ADAMTSL1: variants seen among roughly 807,000 people sequenced by gnomAD.
The protein encoded by ADAMTSL1 is ADAMTS like 1.
ADAMTSL1 carries 126 observed loss-of-function variants against 201.8 expected under a neutral mutation model. The ratio of observed to expected loss-of-function variants is 0.62; its 90% CI spans 0.54 to 0.72. ADAMTSL1 has a LOEUF of 0.72. ADAMTSL1 is among the 30% of genes least tolerant of loss of function. The pLI is 0.00. For synonymous variants in ADAMTSL1, 1,121 were observed against 903.4 expected (o/e 1.24, Z -4.32); for missense variants, 2,679 against 2,277.8 (o/e 1.18, Z -3.59).
intron 1 of ADAMTSL1, among the ~76,000 whole-genome samples, chr9:18,130,457 G>T (rs1194973936): frequency 6.6e-6 from 1 of 152,036 alleles, no homozygotes; most frequent in Non-Finnish European, 1.5e-5. Context: ...ATGAAAATTT[G>T]ACCAATTATT....
upstream of ADAMTSL1, among the ~76,000 whole-genome samples, chr9:18,469,134 G>A (rs1821112498): frequency 1.3e-5 from 2 of 152,176 alleles, no homozygotes; most frequent in African/African-American, 4.8e-5. Context: ...AAAAGTCTGT[G>A]TATATCTCAA....
At chr9:18,418,284 G>T (rs576603500) in intron 2 of ADAMTSL1, among the ~76,000 whole-genome samples, 50 of 152,186 alleles carry the variant, frequency 3.3e-4, no homozygotes, top group Non-Finnish European at 6.0e-4. Flanking sequence ...AAGACTGAAC[G>T]TTTCCCCCCC....
chr9:17,945,981 AAAG>A (rs1827452432), intron 1 of ADAMTSL1, among the ~76,000 whole-genome samples: 1 of 152,032 alleles, frequency 6.6e-6, no homozygotes, highest in Non-Finnish European at 1.5e-5. Context: ...ATAATAAAAA[AAAG>A]AAAATCTTCC....
intron 1 of ADAMTSL1, among the ~76,000 whole-genome samples, chr9:17,982,083 A>T (rs1057303882): frequency 8.5e-5 from 13 of 152,188 alleles, no homozygotes; most frequent in South Asian, 2.1e-4. Context: ...AACATTTTCC[A>T]TATGGATAGT....
intron 4 of ADAMTSL1, among the ~76,000 whole-genome samples, chr9:18,613,286 T>C (rs753273554): frequency 2.4e-4 from 37 of 152,158 alleles, no homozygotes; most frequent in Non-Finnish European, 4.7e-4. Flanking sequence ...AGTTCAAGCA[T>C]TGTGGAAGAC....
In ADAMTSL1 at chr9:18,777,402, C is replaced by T. The variant is rs1821107971; in HGVS notation, c.3173C>T (p.Pro1058Leu). 3.1e-6 allele frequency: 5 copies of T among 1,602,488 alleles called. No homozygotes were observed. Among genetic ancestry groups the T allele is most frequent in the Non-Finnish European group, 4.3e-6 (5 of 1,175,152 alleles). Residue 1058 changes from proline (P) to leucine (L), a missense_variant, in exon 19 of 29, where the codon CCG becomes CTG. Coordinates refer to ENST00000380548, the MANE Select transcript of ADAMTSL1 (RefSeq NM_001040272.6). ...AERNTTSEED[P>L]GAEQVLLHLP... ...AGGAACACGACCTCGGAGGAGGACC[C>T]GGGTGCAGAGCAAGTGCTCCTGCAC...
rs1402764178 is a variant in ADAMTSL1 at position 18,906,908 on chromosome 9, A to G, written c.5178A>G (p.Glu1726=). The G allele has an allele frequency of 6.2e-7, 1 of 1,613,936 alleles. No homozygotes were observed. The highest frequency in any genetic ancestry group is 8.5e-7 in the Non-Finnish European group (1 of 1,179,842). ...NWQRCNITPC[E]NMECRDTTRY... is the part of the protein sequence containing the mutation. ...AGCGCTGCAACATCACCCCATGTGA[A>G]AACAGTATGTTCCAACCCCAAAGAA... The change falls in exon 28 of 29, where the codon GAA becomes GAG. Residue 1726 remains glutamate (E), a synonymous_variant. Coordinates refer to ENST00000380548, the MANE Select transcript of ADAMTSL1 (RefSeq NM_001040272.6).
chr9:18,794,137 C>T (rs1041207615), intron 19 of ADAMTSL1, among the ~76,000 whole-genome samples: 5 of 152,044 alleles, frequency 3.3e-5, no homozygotes, highest in African/African-American at 1.2e-4. Context: ...TACAGAGAGT[C>T]CCCTGTAGTA....
chr9:18,279,287 A>G (rs1364220115), intron 2 of ADAMTSL1, among the ~76,000 whole-genome samples: 2 of 152,056 alleles, frequency 1.3e-5, no homozygotes, highest in Admixed American at 6.5e-5. Context: ...TCCTGTGAAT[A>G]CTACATGTTT....
intron 2 of ADAMTSL1, among the ~76,000 whole-genome samples, chr9:18,187,857 A>G (rs1828805978): frequency 6.6e-6 from 1 of 152,296 alleles, no homozygotes; most frequent in Admixed American, 6.5e-5. Context: ...AGAAGGAAAT[A>G]AAAATATGTC....
chr9:18,259,141 C>T (rs1358074752), intron 2 of ADAMTSL1, among the ~76,000 whole-genome samples: 1 of 152,168 alleles, frequency 6.6e-6, no homozygotes, highest in Non-Finnish European at 1.5e-5. Flanking sequence ...ATTTCCTAGG[C>T]AATTTCTTAT....
intron 2 of ADAMTSL1, among the ~76,000 whole-genome samples, chr9:18,258,819 T>TA (rs2132524329): frequency 6.6e-6 from 1 of 152,294 alleles, no homozygotes; most frequent in South Asian, 2.1e-4. Flanking sequence ...CATCTTCACT[T>TA]ACTGTCTACA....
At chr9:18,181,313 G>T (rs1828464104) in intron 2 of ADAMTSL1, among the ~76,000 whole-genome samples, 1 of 152,132 alleles carries the variant, frequency 6.6e-6, no homozygotes, top group African/African-American at 2.4e-5. Flanking sequence ...AAGAGCTTCT[G>T]CACAGCAAAA....
At chr9:18,640,797 T>A (rs573316019) in intron 7 of ADAMTSL1, among the ~76,000 whole-genome samples, 1 of 152,186 alleles carries the variant, frequency 6.6e-6, no homozygotes, top group South Asian at 2.1e-4. Flanking sequence ...TCCTCCATCC[T>A]TGCTGCCACT....
intron 2 of ADAMTSL1, among the ~76,000 whole-genome samples, chr9:18,195,756 G>A (rs1829149761): frequency 6.6e-6 from 1 of 152,082 alleles, no homozygotes; most frequent in African/African-American, 2.4e-5. Flanking sequence ...TAAGACATTA[G>A]TGTCACACTT....
intron 16 of ADAMTSL1, among the ~76,000 whole-genome samples, chr9:18,761,347 C>T (rs1310880291): frequency 6.6e-6 from 1 of 152,056 alleles, no homozygotes; most frequent in Non-Finnish European, 1.5e-5. Flanking sequence ...ACACTTGGGC[C>T]ATTGTATTTT....
chr9:17,925,819 A>C (rs1285603545), intron 1 of ADAMTSL1, among the ~76,000 whole-genome samples: 1 of 146,298 alleles, frequency 6.8e-6, no homozygotes, highest in Non-Finnish European at 1.5e-5. Flanking sequence ...ACTAACCTGC[A>C]CAATGTGCAC....
At chr9:18,450,108 A>T (rs1359523456) in intron 2 of ADAMTSL1, among the ~76,000 whole-genome samples, 1 of 152,188 alleles carries the variant, frequency 6.6e-6, no homozygotes, top group Non-Finnish European at 1.5e-5. Flanking sequence ...ATCACCAAGA[A>T]CTGGAAGCAA....
At chr9:18,849,134 T>A (rs893037280) in intron 23 of ADAMTSL1, among the ~76,000 whole-genome samples, 1 of 152,224 alleles carries the variant, frequency 6.6e-6, no homozygotes, top group African/African-American at 2.4e-5. Flanking sequence ...CTGTCATGTC[T>A]CCCAGCTAGA....
Sources: gnomAD v4.1 joint callset for allele counts (sites outside exome capture counted in the v4.1 genomes callset) on GRCh38, gnomAD v4.1.1 for gene constraint, MANE v1.5 for transcripts, NCBI Gene and HGNC (gene_info 2026-07-23, HGNC 2026-07-21) for gene names.